TAOK1: variants seen among roughly 807,000 people sequenced by gnomAD.
The protein encoded by TAOK1 is serine/threonine-protein kinase TAO1.
In TAOK1, 21 loss-of-function variants were observed where a neutral mutation model predicts 138.3. That is an observed-to-expected ratio of 0.15 (90% CI 0.11 to 0.22). The LOEUF (loss-of-function observed/expected upper bound fraction) is 0.22, where lower values mean the gene tolerates loss of function less well. TAOK1 is among the 10% of genes least tolerant of loss of function. The pLI is 1.00. For missense variants in TAOK1, 651 were observed against 1,227.7 expected (o/e 0.53, Z 7.02); for synonymous variants, 361 against 398.4 (o/e 0.91, Z 1.12).
intron 19 of TAOK1, among the ~76,000 whole-genome samples, chr17:29,535,928 G>C (rs2032213434): frequency 6.6e-6 from 1 of 152,126 alleles, no homozygotes; most frequent in African/African-American, 2.4e-5. Context: ...TAGCACAGCT[G>C]TCTTTATTAC....
chr17:29,448,607 AT>A (rs2030154065), intron 1 of TAOK1, among the ~76,000 whole-genome samples: 1 of 152,006 alleles, frequency 6.6e-6, no homozygotes, highest in Non-Finnish European at 1.5e-5. Flanking sequence ...CAATTCCCTA[AT>A]TATCTCTTGT....
chr17:29,460,230 C>T (rs2030500146), intron 2 of TAOK1, among the ~76,000 whole-genome samples: 1 of 152,226 alleles, frequency 6.6e-6, no homozygotes, highest in Admixed American at 6.5e-5. Flanking sequence ...CTCGCTCTGT[C>T]ACCCAGACTA....
intron 1 of TAOK1, among the ~76,000 whole-genome samples, chr17:29,400,703 A>G (rs1278260699): frequency 6.6e-6 from 1 of 152,144 alleles, no homozygotes; most frequent in Non-Finnish European, 1.5e-5. Context: ...TTCTCAAGCT[A>G]GATAATCATA....
chr17:29,516,982 C>T (rs1302825679), intron 15 of TAOK1, among the ~76,000 whole-genome samples: 5 of 151,522 alleles, frequency 3.3e-5, no homozygotes, highest in African/African-American at 1.2e-4. Context: ...GCCACTGTAC[C>T]CAGCTAATTT....
intron 1 of TAOK1, among the ~76,000 whole-genome samples, chr17:29,407,936 C>T (rs554263423): frequency 6.4e-4 from 97 of 151,562 alleles, no homozygotes; most frequent in Non-Finnish European, 1.1e-3. Context: ...CAGTGGCATG[C>T]GCTGCAGCCT....
At chr17:29,531,463 T>C (rs1031551450) in intron 18 of TAOK1, among the ~76,000 whole-genome samples, 2 of 87,944 alleles carry the variant, frequency 2.3e-5, no homozygotes, top group African/African-American at 9.5e-5. Context: ...TAAACTTTTT[T>C]TTAAAGGGCC....
At chr17:29,397,672 T>TATAAATGTATATTCATGTATG (rs1904677541) in intron 1 of TAOK1, among the ~76,000 whole-genome samples, 1 of 59,614 alleles carries the variant, frequency 1.7e-5, no homozygotes, top group Non-Finnish European at 3.1e-5. Flanking sequence ...ATGATACATG[T>TATAAATGTATATTCATGTATG]ATACATGTAT....
intron 1 of TAOK1, among the ~76,000 whole-genome samples, chr17:29,397,950 A>G (rs573633163): frequency 2.6e-5 from 4 of 151,978 alleles, no homozygotes; most frequent in Non-Finnish European, 5.9e-5. Flanking sequence ...GCAGTGGCAC[A>G]GTCATGGCCC....
chr17:29,491,104 G>A (rs2031287665), intron 9 of TAOK1, among the ~76,000 whole-genome samples: 1 of 152,146 alleles, frequency 6.6e-6, no homozygotes, highest in South Asian at 2.1e-4. Context: ...CTGTGTTTGA[G>A]ACTTGGAGAT....
intron 1 of TAOK1, among the ~76,000 whole-genome samples, chr17:29,417,528 A>G (rs922495657): frequency 1.3e-5 from 2 of 152,202 alleles, no homozygotes; most frequent in Non-Finnish European, 2.9e-5. Context: ...AAAAGATGTT[A>G]TAGTAGGGAA....
At chr17:29,518,346 G>A (rs2031855322) in intron 16 of TAOK1, among the ~76,000 whole-genome samples, 2 of 152,212 alleles carry the variant, frequency 1.3e-5, no homozygotes. Context: ...TTAGCTGGGT[G>A]TTGTGGTGTG....
intron 2 of TAOK1, among the ~76,000 whole-genome samples, chr17:29,455,008 C>T (rs1322739249): frequency 6.6e-6 from 1 of 151,890 alleles, no homozygotes; most frequent in Admixed American, 6.6e-5. Context: ...CCTTTGCCTC[C>T]CAGGTGATTC....
At chr17:29,530,279 A>C in intron 17 of TAOK1, 128 bp from the exon 18 acceptor site, 1 of 769,240 alleles carries the variant, frequency 1.3e-6, no homozygotes, top group Non-Finnish European at 2.1e-6. Context: ...CTGCAACCTG[A>C]TGATCTGACC....
At chr17:29,491,266 T>C (rs1238803025) in intron 9 of TAOK1, among the ~76,000 whole-genome samples, 4 of 152,188 alleles carry the variant, frequency 2.6e-5, no homozygotes, top group East Asian at 3.9e-4. Context: ...TTTAAAAATA[T>C]CTTAATTGGT....
At chr17:29,429,638 T>C (rs1905763533) in intron 1 of TAOK1, among the ~76,000 whole-genome samples, 2 of 152,222 alleles carry the variant, frequency 1.3e-5, no homozygotes, top group African/African-American at 4.8e-5. Flanking sequence ...CAAGTTAACA[T>C]TGTTACAATA....
intron 9 of TAOK1, among the ~76,000 whole-genome samples, chr17:29,490,820 T>C (rs2031282594): frequency 6.6e-6 from 1 of 152,168 alleles, no homozygotes; most frequent in Non-Finnish European, 1.5e-5. Context: ...TCCTCCTACT[T>C]ACAAGATAGT....
chr17:29,501,253 GA>G (rs936830887), intron 12 of TAOK1, among the ~76,000 whole-genome samples: 2 of 143,114 alleles, frequency 1.4e-5, no homozygotes, highest in Admixed American at 7.0e-5. Context: ...GAAAAGAAAA[GA>G]AAAACAGCCA....
intron 1 of TAOK1, among the ~76,000 whole-genome samples, chr17:29,414,986 C>T (rs970264065): frequency 4.0e-5 from 6 of 151,776 alleles, no homozygotes; most frequent in Middle Eastern, 3.4e-3. Flanking sequence ...GGTGGAGGAA[C>T]GGAATTTCGC....
rs1479104897 is a variant in TAOK1 at position 29,544,769 on chromosome 17, TGAA to T, written c.*1751_*1753del. 1 of 152,258 alleles carries T rather than the reference TGAA, an allele frequency of 6.6e-6. No individual in the cohort carries two copies. Among genetic ancestry groups the T allele is most frequent in the African/African-American group, 2.4e-5 (1 of 41,476 alleles). The allele number at this position is 152,258 out of a possible 1,614,324, so 9.4% of individuals were successfully genotyped here. ...TGTCCTGCTCCCTTCCAAGTTGTCT[TGAA>T]GAATCCTTGCTGCTAACTCTGGATC... On this transcript the variant is annotated 3_prime_UTR_variant, in exon 20 of 20. Transcript: ENST00000261716.
Sources: gnomAD v4.1 joint callset for allele counts (sites outside exome capture counted in the v4.1 genomes callset) on GRCh38, gnomAD v4.1.1 for gene constraint, MANE v1.5 for transcripts, NCBI Gene and HGNC (gene_info 2026-07-23, HGNC 2026-07-21) for gene names.